Variants in GPR89A observed in about 807,000 individuals in gnomAD.
GPR89A encodes the protein golgi pH regulator A.
Under a neutral mutation model 52.0 loss-of-function variants are expected in GPR89A, and 16 were observed. The observed-to-expected ratio is 0.31, with a 90% confidence interval of 0.21 to 0.47. The LOEUF is 0.47. GPR89A is among the 20% of genes least tolerant of loss of function. GPR89A has a pLI of 1.00. For missense variants in GPR89A, 135 were observed against 449.4 expected (o/e 0.30, Z 6.33); for synonymous variants, 55 against 150.9 (o/e 0.36, Z 4.66).
At chr1:145,655,241 T>C (rs1173082504) in intron 10 of GPR89A, among the ~76,000 whole-genome samples, 1 of 152,198 alleles carries the variant, frequency 6.6e-6, no homozygotes, top group African/African-American at 2.4e-5. Flanking sequence ...GTTAGAACAT[T>C]ACTTCTTTTG....
intron 8 of GPR89A, chr1:145,645,767 A>G: frequency 2.2e-6 from 1 of 444,772 alleles, no homozygotes; most frequent in Non-Finnish European, 4.5e-6. Context: ...ATCCTAGCCT[A>G]TATTAGAACA....
chr1:145,667,633 T>C (rs1389409128), intron 12 of GPR89A, among the ~76,000 whole-genome samples: 1 of 152,214 alleles, frequency 6.6e-6, no homozygotes, highest in Non-Finnish European at 1.5e-5. Context: ...GTTTTAGACA[T>C]GAAGTCCTTG....
chr1:145,646,396 A>G, intron 9 of GPR89A, 124 bp downstream of exon 9: 3 of 713,890 alleles, frequency 4.2e-6, no homozygotes, highest in Middle Eastern at 4.0e-4. Context: ...TATATCAGCC[A>G]TGAAGCATTA....
chr1:145,662,223 CT>C (rs1453516065), intron 10 of GPR89A, among the ~76,000 whole-genome samples: 1 of 152,070 alleles, frequency 6.6e-6, no homozygotes, highest in Non-Finnish European at 1.5e-5. Context: ...TTGTCCATTT[CT>C]TTTTTATTTC....
rs1368168136 is a variant in GPR89A at position 145,659,421 on chromosome 1, G to C, written c.910-3908G>C. ...AGGCTGGTCTCTAACTCCTAACCTT[G>C]TGATCCACCCGCCTCAGCCTCCCAA... is the stretch of plus-strand genomic sequence containing the variant. On this transcript the variant is annotated intron_variant, in intron 10 of 13. Transcript: ENST00000313835. Among the ~76,000 whole-genome samples, 577 of 152,074 alleles carry C rather than the reference G, an allele frequency of 3.8e-3. 5 individuals are homozygous for C. The highest frequency in any genetic ancestry group is 5.8e-3 in the Non-Finnish European group (397 of 67,992).
intron 8 of GPR89A, chr1:145,645,433 G>A: frequency 5.4e-6 from 2 of 373,522 alleles, no homozygotes; most frequent in Admixed American, 3.5e-5. Context: ...ACGGGTTTGA[G>A]CTGTGTTAGT....
At chr1:145,655,754 A>G (rs1651766956) in intron 10 of GPR89A, among the ~76,000 whole-genome samples, 1 of 152,180 alleles carries the variant, frequency 6.6e-6, no homozygotes, top group African/African-American at 2.4e-5. Flanking sequence ...GGGGGGTCTC[A>G]GTCAGGAGGC....
chr1:145,613,463 C>T (rs1395841386), intron 1 of GPR89A, among the ~76,000 whole-genome samples: 1 of 152,132 alleles, frequency 6.6e-6, no homozygotes, highest in Admixed American at 6.5e-5. Flanking sequence ...TCCATACAGC[C>T]ACCATACCGC....
intron 8 of GPR89A, chr1:145,645,365 T>C (rs2101804409): frequency 2.9e-6 from 1 of 343,732 alleles, no homozygotes; most frequent in Non-Finnish European, 5.7e-6. Context: ...GTGCTTCTAT[T>C]TTAGAAGGGG....
intron 7 of GPR89A, among the ~76,000 whole-genome samples, chr1:145,642,702 C>G (rs1650733007): frequency 6.6e-6 from 1 of 151,868 alleles, no homozygotes; most frequent in African/African-American, 2.4e-5. Flanking sequence ...TTTTGCCTCC[C>G]AAAAATATCC....
At chr1:145,628,563 C>T (rs797039568) in intron 5 of GPR89A, among the ~76,000 whole-genome samples, 11 of 151,800 alleles carry the variant, frequency 7.2e-5, no homozygotes, top group African/African-American at 2.4e-4. Context: ...AGTTACTTAA[C>T]CTCTCTGTGC....
chr1:145,627,833 A>G (rs1348360100), intron 5 of GPR89A, among the ~76,000 whole-genome samples: 3 of 151,338 alleles, frequency 2.0e-5, no homozygotes, highest in African/African-American at 7.4e-5. Flanking sequence ...AAAGGACAAG[A>G]CCAAAGGAAG....
chr1:145,654,882 G>A (rs1651707950), intron 10 of GPR89A, among the ~76,000 whole-genome samples: 1 of 151,922 alleles, frequency 6.6e-6, no homozygotes, highest in South Asian at 2.1e-4. Flanking sequence ...CCTGAAGTAT[G>A]TTTTCCAACT....
At chr1:145,646,489 G>T in intron 9 of GPR89A, 2 of 497,640 alleles carry the variant, frequency 4.0e-6, no homozygotes, top group Non-Finnish European at 7.1e-6. Context: ...AGTAGCAATT[G>T]GTGGGATAGT....
At chr1:145,629,893 A>G (rs1273596715) in intron 5 of GPR89A, among the ~76,000 whole-genome samples, 3 of 152,272 alleles carry the variant, frequency 2.0e-5, no homozygotes, top group African/African-American at 7.2e-5. Flanking sequence ...CCTGAATTAT[A>G]GCTCTGGCAT....
chr1:145,636,933 A>G (rs1425877095), intron 7 of GPR89A, among the ~76,000 whole-genome samples: 2 of 152,174 alleles, frequency 1.3e-5, no homozygotes, highest in Non-Finnish European at 2.9e-5. Context: ...CTGAACATTT[A>G]AAGGGGAAAT....
intron 5 of GPR89A, among the ~76,000 whole-genome samples, chr1:145,627,651 CT>C (rs1649601322): frequency 6.6e-6 from 1 of 152,130 alleles, no homozygotes; most frequent in African/African-American, 2.4e-5. Context: ...AATTGATAGT[CT>C]TGTGGGTGGA....
At chr1:145,642,533 A>C (rs1650721173) in intron 7 of GPR89A, among the ~76,000 whole-genome samples, 1 of 152,194 alleles carries the variant, frequency 6.6e-6, no homozygotes, top group African/African-American at 2.4e-5. Context: ...CAGTTAAGTC[A>C]ACATGGCTGA....
intron 5 of GPR89A, among the ~76,000 whole-genome samples, chr1:145,629,383 G>C (rs587694048): frequency 6.6e-6 from 1 of 152,088 alleles, no homozygotes; most frequent in South Asian, 2.1e-4. Context: ...AGTGAAGGTA[G>C]TTTATGGCTA....
Sources: allele counts gnomAD v4.1 joint callset (sites outside exome capture counted in the v4.1 genomes callset), GRCh38; gene constraint gnomAD v4.1.1; transcripts MANE v1.5; gene names NCBI Gene and HGNC (gene_info 2026-07-23, HGNC 2026-07-21).